The following ZNF219 variants were observed in gnomAD, a reference collection of about 807,000 sequenced individuals.
ZNF219 encodes zinc finger protein 219.
A neutral mutation model predicts 54.4 loss-of-function variants in ZNF219; 17 were observed. The ratio of observed to expected loss-of-function variants is 0.31; its 90% confidence interval spans 0.21 to 0.47. ZNF219 has a LOEUF of 0.47. Among genes scored for constraint, ZNF219 ranks in the 20% least tolerant of loss-of-function variants. The pLI, the probability that ZNF219 is intolerant of heterozygous loss-of-function variation, is 1.00. For missense variants in ZNF219, 1,014 were observed against 1,062.3 expected, an observed-to-expected ratio of 0.95 and a Z score of 0.63; for synonymous variants, 518 against 476.4, an observed-to-expected ratio of 1.09 and a Z score of -1.14.
upstream of ZNF219, among the ~76,000 whole-genome samples, chr14:21,100,442 C>T (rs1473038333): frequency 6.6e-6 from 1 of 152,064 alleles, no homozygotes; most frequent in East Asian, 1.9e-4. Context: ...GATTCCAGCT[C>T]AGGTCTGTCT....
At chr14:21,101,286 A>T, upstream of ZNF219, 2 of 1,483,590 alleles carry the variant, frequency 1.3e-6, no homozygotes, top group South Asian at 2.4e-5. Flanking sequence ...AATAGACAGA[A>T]CCTATAACGC....
chr14:21,090,323 C>G lies in ZNF219; in HGVS notation c.*213G>C. 2.7e-6 allele frequency: 2 copies of G among 731,846 alleles called. No individual in the cohort carries two copies. The highest frequency in any genetic ancestry group is 4.8e-6 in the Non-Finnish European group (2 of 415,254). 45.3% of individuals were successfully genotyped at this position (731,846 alleles called of 1,614,324 possible). On this transcript the variant is annotated 3_prime_UTR_variant, in exon 5 of 5. Transcript: ENST00000360947. This position sits in a 1 kb window ranked among gnomAD's most constrained non-coding sequence, Gnocchi z 4.4. ...CAGGGACCCCGTTCTTTGACCCTCA[C>G]CTCTGCCACTTCTAAGGCACTGTGA...
chr14:21,098,246 G>C (rs1220330444), intron 1 of ZNF219, 66 bp downstream of exon 1: 1 of 146,860 alleles, frequency 6.8e-6, no homozygotes, highest in Non-Finnish European at 1.5e-5. Context: ...GGAGGGGGGA[G>C]GGGGCCGGGG....
Position 21,090,432 on chromosome 14 carries a change from A to G in ZNF219, c.*104T>C. 7.0e-7 allele frequency: 1 copy of G among 1,425,150 alleles called. No homozygotes were observed. Among genetic ancestry groups the G allele is most frequent in the Non-Finnish European group, 9.4e-7 (1 of 1,061,424 alleles). The allele number at this position is 1,425,150 out of a possible 1,614,324, so 88.3% of individuals were successfully genotyped here. ...CCTCTGGTCCGCCTGGGGCTGGGAT[A>G]TGGGTCCCACGCTGCCCCCTGCTGG... On this transcript the variant is annotated 3_prime_UTR_variant, in exon 5 of 5. Transcript: ENST00000360947. This position sits in a 1 kb window ranked among gnomAD's most constrained non-coding sequence, Gnocchi z 4.4.
rs1221368021 is a variant in ZNF219 at position 21,092,155 on chromosome 14, T to C, written c.1142A>G (p.Tyr381Cys). The change falls in exon 3 of 5, where the codon TAC becomes TGC. Residue 381 changes from tyrosine (Y) to cysteine (C), a missense_variant. By Grantham distance (194) the Tyr-to-Cys change is radical. Coordinates refer to ENST00000360947, the MANE Select transcript of ZNF219 (RefSeq NM_016423.3). ...ERREPPSLLG[Y>C]LSLRAGEGRP... Reference sequence around the variant, plus strand: ...GCCCTCGCCAGCTCGCAGGCTCAGGTAGCCCAAGAGGCTCGGGGGCTCACG... The same window carrying C: ...GCCCTCGCCAGCTCGCAGGCTCAGGCAGCCCAAGAGGCTCGGGGGCTCACG... The C allele has an allele frequency of 6.8e-7, 1 of 1,474,834 alleles. No homozygotes were observed. Among genetic ancestry groups the C allele is most frequent in the South Asian group, 1.4e-5 (1 of 73,952 alleles). 91.4% of individuals were successfully genotyped at this position (1,474,834 alleles called of 1,614,324 possible).
At position 21,090,954 on chromosome 14, in the gene ZNF219, G is replaced by C; in HGVS notation, c.1751C>G (p.Pro584Arg). Residue 584 changes from proline to arginine, a missense_variant, in exon 5 of 5, where the codon CCT (proline) becomes CGT (arginine). Transcript: ENST00000360947. This position sits in a 1 kb window ranked among gnomAD's most constrained non-coding sequence, Gnocchi z 4.4. ...PQSGAKPSPQ[P>R]ATWVEGASSP... ...TGAGGCGCCCTCCACCCAGGTCGCA[G>C]GCTGCGGAGACGGCTTGGCTCCAGA... The C allele has an allele frequency of 6.4e-7, 1 of 1,550,718 alleles. No homozygotes were observed. The highest frequency in any genetic ancestry group is 8.7e-7 in the Non-Finnish European group (1 of 1,153,944).
upstream of ZNF219, chr14:21,102,116 G>A: frequency 6.4e-7 from 1 of 1,550,782 alleles, no homozygotes; most frequent in East Asian, 2.4e-5. Context: ...CCCCGCCTTT[G>A]GAAGGTGAGA....
rs1047911197 is a variant in ZNF219 at position 21,090,990 on chromosome 14, G to A, written c.1715C>T (p.Ser572Leu). Reference sequence around the variant, plus strand: ...CGGCTTGGCTCCAGATTGCGGGGCCGAACCCCGCTGGGAAGGAGGCGGTGG... The same window carrying A: ...CGGCTTGGCTCCAGATTGCGGGGCCAAACCCCGCTGGGAAGGAGGCGGTGG... ...PEPPPPSQRG[S>L]APQSGAKPSP... The change falls in exon 5 of 5, where the codon TCG becomes TTG. Residue 572 changes from serine to leucine, a missense_variant. Ser to Leu is a moderately radical substitution (Grantham distance 145). Around this residue, in one of 5 missense-constraint regions of ZNF219, gnomAD observed 281 missense variants for 271.2 expected, o/e 1.04. Transcript: ENST00000360947. This position sits in a 1 kb window ranked among gnomAD's most constrained non-coding sequence, Gnocchi z 4.4. 2 of 1,549,702 alleles carry A rather than the reference G, an allele frequency of 1.3e-6. No homozygotes were observed. Among genetic ancestry groups the A allele is most frequent in the African/African-American group, 1.4e-5 (1 of 73,592 alleles).
chr14:21,103,308 C>G (rs1029832344), upstream of ZNF219: 10 of 1,529,286 alleles, frequency 6.5e-6, no homozygotes, highest in South Asian at 1.2e-4. Context: ...AACTCAGAAG[C>G]TTGCTGGGAT....
At chr14:21,091,340 A>G (rs769656021) in intron 4 of ZNF219, 71 bp downstream of exon 4, 2 of 1,545,294 alleles carry the variant, frequency 1.3e-6, no homozygotes, top group South Asian at 2.4e-5. Flanking sequence ...TTCACCTCCT[A>G]GTGTTTCGGT....
At position 21,090,860 on chromosome 14, in the gene ZNF219, G is replaced by C; in HGVS notation, c.1845C>G (p.Thr615=). ...CCTCACCGCCTCGCCCGTTGCGCAG[G>C]GTCCTCCCAGGGCTGGCGGGCTTCC... The part of the protein sequence containing the change: ...SRRKPASPGR[T]LRNGRGGEAE... Residue 615 remains threonine (T), a synonymous_variant, in exon 5 of 5, where the codon ACC becomes ACG. Coordinates refer to ENST00000360947, the MANE Select transcript of ZNF219 (RefSeq NM_016423.3). This position sits in a 1 kb window ranked among gnomAD's most constrained non-coding sequence, Gnocchi z 4.4. The C allele has an allele frequency of 6.4e-7, 1 of 1,554,568 alleles. No homozygotes were observed. Among genetic ancestry groups the C allele is most frequent in the Middle Eastern group, 1.9e-4 (1 of 5,386 alleles).
At chr14:21,102,158 C>T (rs1566557925), upstream of ZNF219, 1 of 1,534,686 alleles carries the variant, frequency 6.5e-7, no homozygotes, top group Non-Finnish European at 8.8e-7. Flanking sequence ...CCTCCCACTC[C>T]CTAAAACAGA....
Position 21,092,965 on chromosome 14 carries a change from C to T in ZNF219, c.332G>A (p.Arg111His), listed in dbSNP as rs1390699514. The change falls in exon 3 of 5, where the codon CGC becomes CAC. Residue 111 changes from arginine to histidine, a missense_variant. By Grantham distance (29) the Arg-to-His change is conservative. Transcript: ENST00000360947. ...RSHLRTHQPE[R>H]PRSPAARLLL... ...CAGGCGTGCAGCAGGACTACGTGGG[C>T]GCTCGGGCTGGTGTGTGCGCAGGTG... 6.3e-7 allele frequency: 1 copy of T among 1,588,048 alleles called. No homozygotes were observed. The highest frequency in any genetic ancestry group is 1.1e-5 in the South Asian group (1 of 89,592).
At chr14:21,097,831 G>A (rs867758741) in intron 1 of ZNF219, among the ~76,000 whole-genome samples, 21 of 98,350 alleles carry the variant, frequency 2.1e-4, no homozygotes, top group East Asian at 6.0e-4. Context: ...CCCCTCCCCC[G>A]CCACCCCGTG....
At chr14:21,102,091 G>A, upstream of ZNF219, 1 of 1,551,146 alleles carries the variant, frequency 6.4e-7, no homozygotes. Context: ...TGTCACTCTG[G>A]AGCTTCGCAG....
chr14:21,092,659 C>G lies in ZNF219; in HGVS notation c.638G>C (p.Gly213Ala), dbSNP rs1889014641. 4 of 1,569,260 alleles carry G rather than the reference C, an allele frequency of 2.5e-6. No individual in the cohort carries two copies. The highest frequency in any genetic ancestry group is 2.6e-6 in the Non-Finnish European group (3 of 1,159,776). ...GGCCGCCAGGGGACGCTCGGGAGCC[C>G]CGTGGGCCGTCAGGCTGTGGTGCAG... ...ELLHHSLTAH[G>A]APERPLAATS... The change falls in exon 3 of 5, where the codon GGG becomes GCG. Residue 213 changes from glycine (G) to alanine (A), a missense_variant. Around this residue, in one of 5 missense-constraint regions of ZNF219, gnomAD observed 395 missense variants for 415.1 expected, o/e 0.95. Coordinates refer to ENST00000360947, the MANE Select transcript of ZNF219 (RefSeq NM_016423.3).
rs760839596 is a variant in ZNF219, at chr14:21,093,096, G to A, written c.201C>T (p.Arg67=). 6.2e-7 allele frequency: 1 copy of A among 1,607,608 alleles called. No homozygotes were observed. The highest frequency in any genetic ancestry group is 8.5e-7 in the Non-Finnish European group (1 of 1,178,240). The stretch of plus-strand genomic sequence containing the variant: ...GGTGCAAAGCAAGGATAGAGTTGAA[G>A]CGGAAGCGCTTCCCGCATACAGGGC... ...FPCPVCGKRF[R]FNSILALHLR... Residue 67 remains arginine, a synonymous_variant, in exon 3 of 5, where the codon CGC becomes CGT. Transcript: ENST00000360947.
At chr14:21,091,624 A>T in intron 3 of ZNF219, 82 bp from the exon 4 acceptor site, 1 of 1,516,434 alleles carries the variant, frequency 6.6e-7, no homozygotes, top group Non-Finnish European at 8.8e-7. Flanking sequence ...CCCATCCCAT[A>T]GGGCTGCTTC....
In ZNF219 at chr14:21,092,565, G is replaced by T; in HGVS notation, c.732C>A (p.Pro244=). 2 of 1,547,628 alleles carry T rather than the reference G, an allele frequency of 1.3e-6. No individual in the cohort carries two copies. Among genetic ancestry groups the T allele is most frequent in the East Asian group, 2.4e-5 (1 of 41,028 alleles). ...CGGGCTCCGGCTCCGGCTCCGGCTGGGGGACTGATCTGGGTTCGGGCTGGG... is the reference window on the plus strand; with the variant it reads ...CGGGCTCCGGCTCCGGCTCCGGCTGTGGGACTGATCTGGGTTCGGGCTGGG... ...PPPQPEPRSV[P]QPEPEPEPER... Residue 244 remains proline (P), a synonymous_variant, in exon 3 of 5, where the codon CCC becomes CCA. Coordinates refer to ENST00000360947, the MANE Select transcript of ZNF219 (RefSeq NM_016423.3).
Sources: gnomAD v4.1 joint callset for allele counts (sites outside exome capture counted in the v4.1 genomes callset) on GRCh38, gnomAD v4.1.1 for gene constraint, gnomAD v4.1.1 regional missense constraint, Gnocchi (gnomAD v3.1) non-coding constraint, MANE v1.5 for transcripts, NCBI Gene and HGNC (gene_info 2026-07-23, HGNC 2026-07-21) for gene names.